The following PICK1 variants were observed in gnomAD, a reference collection of about 807,000 sequenced individuals.
PICK1 encodes protein interacting with PRKCA 1, also known as PRKCA-binding protein.
PICK1 carries 23 observed loss-of-function variants against 48.9 expected under a neutral mutation model. The ratio of observed to expected loss-of-function variants is 0.47; its 90% CI spans 0.34 to 0.67. The LOEUF is 0.67. Ranked by LOEUF, PICK1 falls within the 30% of genes least tolerant of loss-of-function variation. PICK1 has a pLI of 0.01. For synonymous variants in PICK1, 217 were observed against 228.2 expected (o/e 0.95, Z 0.44); for missense variants, 423 against 557.1 (o/e 0.76, Z 2.42).
At position 38,071,741 on chromosome 22, in the gene PICK1, C is replaced by A. The variant is rs199868329; in HGVS notation, c.553C>A (p.Arg185=). ...RAFYELSQTH[R]AFGDVFSVIG... Reference sequence around the variant, plus strand: ...CTTTTATGAGCTGTCGCAGACTCACCGGGGTAATGGCATCCCCCAAAGCTG... The same window carrying A: ...CTTTTATGAGCTGTCGCAGACTCACAGGGGTAATGGCATCCCCCAAAGCTG... Residue 185 remains arginine, a synonymous_variant, in exon 8 of 13, where the codon CGG becomes AGG. Transcript: ENST00000356976. The A allele has an allele frequency of 7.4e-6, 12 of 1,612,634 alleles. No individual in the cohort carries two copies. The highest frequency in any genetic ancestry group is 6.7e-5 in the Admixed American group (4 of 60,010).
chr22:38,058,703 C>T (rs1203611681), intron 2 of PICK1, among the ~76,000 whole-genome samples: 1 of 152,156 alleles, frequency 6.6e-6, no homozygotes, highest in Non-Finnish European at 1.5e-5. Context: ...CAGAGGCTGA[C>T]TTACCCAAGT....
chr22:38,075,141 C>T lies in PICK1; in HGVS notation c.*9C>T, dbSNP rs749081344. 5.0e-6 allele frequency: 8 copies of T among 1,605,252 alleles called. No individual in the cohort carries two copies. The highest frequency in any genetic ancestry group is 1.3e-5 in the African/African-American group (1 of 74,772). On this transcript the variant is annotated 3_prime_UTR_variant, in exon 13 of 13. Transcript: ENST00000356976. ...GCTGGTGTGACTCCTGAGTGCCCCGCGGCTGTGGTGCCGGGGGCAGGGTGC... is the reference window on the plus strand; with the variant it reads ...GCTGGTGTGACTCCTGAGTGCCCCGTGGCTGTGGTGCCGGGGGCAGGGTGC...
chr22:38,073,892 C>T lies in PICK1; in HGVS notation c.834+69C>T, dbSNP rs2085763765. 1.6e-5 allele frequency: 23 copies of T among 1,480,378 alleles called. No individual in the cohort carries two copies. Among genetic ancestry groups the T allele is most frequent in the Non-Finnish European group, 2.0e-5 (21 of 1,059,166 alleles). The allele number at this position is 1,480,378 out of a possible 1,614,324, so 91.7% of individuals were successfully genotyped here. ...GGTCTGCCAGGGATAGCAGGTGGCT[C>T]AGGCCAACCCGGGAGAGACCGGGGG... On this transcript the variant is annotated intron_variant, in intron 11 of 12. Transcript: ENST00000356976. This position sits in a 1 kb window ranked among gnomAD's most constrained non-coding sequence, Gnocchi z 5.7.
At chr22:38,071,566 C>A in intron 7 of PICK1, 116 bp from the exon 8 acceptor site, 1 of 923,064 alleles carries the variant, frequency 1.1e-6, no homozygotes, top group Non-Finnish European at 1.8e-6. Flanking sequence ...GGGGAAAGGC[C>A]ATGTATCAGG....
chr22:38,069,906 C>CTTA (rs1178596607), intron 6 of PICK1, among the ~76,000 whole-genome samples: 1 of 152,188 alleles, frequency 6.6e-6, no homozygotes, highest in Non-Finnish European at 1.5e-5. Context: ...TTTCCCTGGC[C>CTTA]TTAAATAGGG....
chr22:38,072,691 T>TGTACCCAGGCACA, intron 9 of PICK1, 81 bp downstream of exon 9: 1 of 1,563,568 alleles, frequency 6.4e-7, no homozygotes, highest in Non-Finnish European at 8.7e-7. Context: ...GGTCGTATGC[T>TGTACCCAGGCACA]GGAGTCCTGT....
In PICK1 at chr22:38,074,989, T is replaced by A; in HGVS notation, c.1105T>A (p.Leu369Met). The A allele has an allele frequency of 6.2e-7, 1 of 1,613,626 alleles. No individual in the cohort carries two copies. Among genetic ancestry groups the A allele is most frequent in the Non-Finnish European group, 8.5e-7 (1 of 1,180,006 alleles). Residue 369 changes from leucine to methionine, a missense_variant, in exon 13 of 13, where the codon TTG (leucine) becomes ATG (methionine). Transcript: ENST00000356976. The surrounding 1 kb of genome is among the most constrained non-coding windows in gnomAD (Gnocchi z 4.5). ...PIEVDLAHTT[L>M]AYGLNQEEFT... Reference sequence around the variant, plus strand: ...CGAGGTAGACCTGGCGCACACCACATTGGCCTATGGCCTCAACCAGGAGGA... The same window carrying A: ...CGAGGTAGACCTGGCGCACACCACAATGGCCTATGGCCTCAACCAGGAGGA...
chr22:38,065,137 G>A lies in PICK1; in HGVS notation c.282+7G>A. 2 of 1,613,204 alleles carry A rather than the reference G, an allele frequency of 1.2e-6. No homozygotes were observed. The highest frequency in any genetic ancestry group is 1.7e-6 in the Non-Finnish European group (2 of 1,179,512). On this transcript the variant is annotated splice_region_variant and intron_variant, in intron 4 of 12. Transcript: ENST00000356976. ...GATGATTCAGGAGGTGAAGGTAAGGGCTGCTGCAGAGCAGGTGTCCAGAGG... is the reference window on the plus strand; with the variant it reads ...GATGATTCAGGAGGTGAAGGTAAGGACTGCTGCAGAGCAGGTGTCCAGAGG...
rs1237888785 is a variant in PICK1 at position 38,075,567 on chromosome 22, G to A, written c.*435G>A. The stretch of plus-strand genomic sequence containing the variant: ...AATGCCTCCTGGGCACCCTTGCCTC[G>A]CCCCAGACCGGCCCGTCCAGTCCCC... On this transcript the variant is annotated 3_prime_UTR_variant, in exon 13 of 13. Coordinates refer to ENST00000356976, the MANE Select transcript of PICK1 (RefSeq NM_012407.4). 5 of 181,000 alleles carry A rather than the reference G, an allele frequency of 2.8e-5. No individual in the cohort carries two copies. Among genetic ancestry groups the A allele is most frequent in the Admixed American group, 5.4e-5 (1 of 18,566 alleles). The allele number at this position is 181,000 out of a possible 1,614,324, so 11.2% of individuals were successfully genotyped here. A position where few individuals can be genotyped will look rare whatever the true frequency, so the allele number is the denominator to read the frequency against.
intron 6 of PICK1, among the ~76,000 whole-genome samples, 174 bp from the exon 7 acceptor site, chr22:38,070,664 A>G (rs887398506): frequency 2.6e-5 from 4 of 152,114 alleles, no homozygotes; most frequent in Admixed American, 6.5e-5. Context: ...CTAGTCATTT[A>G]CAAAACACCT....
intron 5 of PICK1, among the ~76,000 whole-genome samples, chr22:38,068,573 C>T (rs560488359): frequency 6.6e-6 from 1 of 152,280 alleles, no homozygotes; most frequent in African/African-American, 2.4e-5. Flanking sequence ...CTAAGCTGGT[C>T]AGATGCAGTA....
In PICK1 at chr22:38,074,764, C is replaced by G; in HGVS notation, c.980-100C>G. 6.7e-7 allele frequency: 1 copy of G among 1,485,470 alleles called. No individual in the cohort carries two copies. Among genetic ancestry groups the G allele is most frequent in the East Asian group, 2.3e-5 (1 of 43,674 alleles). 92.0% of individuals were successfully genotyped at this position (1,485,470 alleles called of 1,614,324 possible). ...CAGGGAAGTGCCCGAGTGGGAAGCCCAGGGGAGGCGAGAGGTGGGCCGGGT... is the reference window on the plus strand; with the variant it reads ...CAGGGAAGTGCCCGAGTGGGAAGCCGAGGGGAGGCGAGAGGTGGGCCGGGT... On this transcript the variant is annotated intron_variant, in intron 12 of 12. Transcript: ENST00000356976. This position sits in a 1 kb window ranked among gnomAD's most constrained non-coding sequence, Gnocchi z 4.5.
At chr22:38,071,236 C>T (rs113324653) in intron 7 of PICK1, among the ~76,000 whole-genome samples, 1 of 151,960 alleles carries the variant, frequency 6.6e-6, no homozygotes, top group African/African-American at 2.4e-5. Context: ...AATCAGTACT[C>T]GAGAGGCTGA....
chr22:38,062,135 T>G (rs1183650317), intron 3 of PICK1, among the ~76,000 whole-genome samples: 1 of 152,160 alleles, frequency 6.6e-6, no homozygotes, highest in Non-Finnish European at 1.5e-5. Context: ...AATCTATGTT[T>G]CTTTTCTTAA....
Position 38,074,176 on chromosome 22 carries a change from C to T in PICK1, c.835-131C>T. ...TTTTTTCCTCTCTTCAAAGCTATCA[C>T]TGAGTGCTTCTGAGAAACACTGAAG... On this transcript the variant is annotated intron_variant, in intron 11 of 12. Coordinates refer to ENST00000356976, the MANE Select transcript of PICK1 (RefSeq NM_012407.4). This position sits in a 1 kb window ranked among gnomAD's most constrained non-coding sequence, Gnocchi z 4.5. The T allele has an allele frequency of 8.9e-7, 1 of 1,119,590 alleles. No individual in the cohort carries two copies. Among genetic ancestry groups the T allele is most frequent in the Admixed American group, 2.0e-5 (1 of 50,950 alleles). 69.4% of individuals were successfully genotyped at this position (1,119,590 alleles called of 1,614,324 possible).
chr22:38,071,004 A>G, intron 7 of PICK1, 113 bp downstream of exon 7: 1 of 821,188 alleles, frequency 1.2e-6, no homozygotes, highest in Non-Finnish European at 2.1e-6. Flanking sequence ...AAATACTAGG[A>G]CCATGGGCAT....
chr22:38,060,478 C>T (rs2085372326), intron 3 of PICK1, among the ~76,000 whole-genome samples: 1 of 152,172 alleles, frequency 6.6e-6, no homozygotes, highest in Non-Finnish European at 1.5e-5. Context: ...TCACTGGTGG[C>T]AGATGGGAAA....
At chr22:38,070,742 C>A in intron 6 of PICK1, 96 bp from the exon 7 acceptor site, 1 of 1,008,480 alleles carries the variant, frequency 9.9e-7, no homozygotes, top group Non-Finnish European at 1.6e-6. Flanking sequence ...CTTCCTGGTT[C>A]TCCTCTGGGG....
At position 38,066,825 on chromosome 22, in the gene PICK1, C is replaced by T. The variant is rs1197918622; in HGVS notation, c.283-879C>T. On this transcript the variant is annotated intron_variant, in intron 4 of 12. Coordinates refer to ENST00000356976, the MANE Select transcript of PICK1 (RefSeq NM_012407.4). The surrounding 1 kb of genome is among the most constrained non-coding windows in gnomAD (Gnocchi z 4.1). ...TTTGCAAGGATGAGAGTGAACACAG[C>T]GCCCTCCCGTGCTCAGGCAAGTCCT... 6.6e-6 allele frequency among the ~76,000 whole-genome samples: 1 copy of T among 152,226 alleles called. No individual in the cohort carries two copies. Among genetic ancestry groups the T allele is most frequent in the African/African-American group, 2.4e-5 (1 of 41,458 alleles).
Sources: allele counts gnomAD v4.1 joint callset (sites outside exome capture counted in the v4.1 genomes callset), GRCh38; gene constraint gnomAD v4.1.1; non-coding constraint Gnocchi (gnomAD v3.1); transcripts MANE v1.5; gene names NCBI Gene and HGNC (gene_info 2026-07-23, HGNC 2026-07-21).